The following SDC3 variants were observed in gnomAD, a reference collection of about 807,000 sequenced individuals.
The protein encoded by SDC3 is syndecan 3.
A neutral mutation model predicts 24.4 loss-of-function variants in SDC3; 13 were observed. The ratio of observed to expected loss-of-function variants is 0.53; its 90% CI spans 0.35 to 0.85. The LOEUF (loss-of-function observed/expected upper bound fraction) is 0.85, where lower values mean the gene tolerates loss of function less well. Ranked by LOEUF, SDC3 falls within the 40% of genes least tolerant of loss-of-function variation. The pLI, the probability that SDC3 is intolerant of heterozygous loss-of-function variation, is 0.01. For missense variants in SDC3, 571 were observed against 584.5 expected (o/e 0.98, Z 0.24); for synonymous variants, 295 against 260.9 (o/e 1.13, Z -1.26).
At chr1:30,905,091 T>C (rs1487336775) in intron 1 of SDC3, among the ~76,000 whole-genome samples, 4 of 151,934 alleles carry the variant, frequency 2.6e-5, no homozygotes, top group South Asian at 2.1e-4. Context: ...GAAGGGGAGA[T>C]GGTTCACCCA....
In SDC3 at chr1:30,869,586, A is replaced by T; in HGVS notation, c.*3625T>A. 1 of 398,120 alleles carries T rather than the reference A, an allele frequency of 2.5e-6. No individual in the cohort carries two copies. Among genetic ancestry groups the T allele is most frequent in the Non-Finnish European group, 4.4e-6 (1 of 226,016 alleles). 24.7% of individuals were successfully genotyped at this position (398,120 alleles called of 1,614,324 possible). On this transcript the variant is annotated 3_prime_UTR_variant, in exon 5 of 5. Coordinates refer to ENST00000339394, the MANE Select transcript of SDC3 (RefSeq NM_014654.4). ...ACAAAAACAAAACCAGTTCCTTCACAAGGCTGGAACAGGAGAGTACCCGCA... is the reference window on the plus strand; with the variant it reads ...ACAAAAACAAAACCAGTTCCTTCACTAGGCTGGAACAGGAGAGTACCCGCA...
chr1:30,879,736 C>T (rs954035274), intron 1 of SDC3, among the ~76,000 whole-genome samples: 2 of 152,170 alleles, frequency 1.3e-5, no homozygotes, highest in Non-Finnish European at 2.9e-5. Flanking sequence ...AGGCCTTTAG[C>T]TGGGAGGAGG....
At position 30,873,296 on chromosome 1, in the gene SDC3, T is replaced by C; in HGVS notation, c.1244A>G (p.Asp415Gly). The C allele has an allele frequency of 6.2e-7, 1 of 1,612,876 alleles. No homozygotes were observed. ...TTCCTCCAGCGTGTAGCTGCCCTCATCCTTTTTCTTCATACGATAGATGAG... is the reference window on the plus strand; with the variant it reads ...TTCCTCCAGCGTGTAGCTGCCCTCACCCTTTTTCTTCATACGATAGATGAG... ...TLLIYRMKKK[D>G]EGSYTLEEPK... Residue 415 changes from aspartate to glycine, a missense_variant, in exon 5 of 5, where the codon GAT becomes GGT. By Grantham distance (94) the Asp-to-Gly change is moderately conservative. This residue lies in a region of SDC3 where 74 missense variants were observed against 112.9 expected (regional missense o/e 0.66). Transcript: ENST00000339394.
chr1:30,889,890 C>CA (rs1238761947), intron 1 of SDC3, among the ~76,000 whole-genome samples: 2 of 151,610 alleles, frequency 1.3e-5, no homozygotes, highest in African/African-American at 2.4e-5. Context: ...GTCCACACAC[C>CA]AAAAAAGGTA....
At position 30,874,466 on chromosome 1, in the gene SDC3, A is replaced by C; in HGVS notation, c.993T>G (p.Asn331Lys). The change falls in exon 4 of 5, where the codon AAT becomes AAG. Residue 331 changes from asparagine (N) to lysine (K), a missense_variant. Physicochemically the swap from Asn to Lys is moderately conservative, Grantham distance 94. Transcript: ENST00000339394. ...EEETTQPDTA[N>K]EVVAVGGAAA... ...CAGCCCCTCCCACAGCTACCACCTC[A>C]TTGGCTGTGTCTGGTTGTGTGGTCT... The C allele has an allele frequency of 6.2e-7, 1 of 1,614,086 alleles. No homozygotes were observed. Among genetic ancestry groups the C allele is most frequent in the Non-Finnish European group, 8.5e-7 (1 of 1,179,996 alleles).
At chr1:30,908,211 C>T (rs1232963663) in intron 1 of SDC3, among the ~76,000 whole-genome samples, 4 of 143,446 alleles carry the variant, frequency 2.8e-5, no homozygotes, top group Non-Finnish European at 6.1e-5. Flanking sequence ...TGACCAGCGG[C>T]GGGGGCGGCC....
intron 1 of SDC3, among the ~76,000 whole-genome samples, chr1:30,900,212 C>T (rs1365443385): frequency 6.6e-6 from 1 of 152,204 alleles, no homozygotes; most frequent in Non-Finnish European, 1.5e-5. Flanking sequence ...ACCATGCCTG[C>T]CTCACAGGGC....
chr1:30,905,822 G>T (rs896592771), intron 1 of SDC3, among the ~76,000 whole-genome samples: 2 of 151,974 alleles, frequency 1.3e-5, no homozygotes, highest in Non-Finnish European at 2.9e-5. Context: ...TGGTCTGTCA[G>T]AAGAGGGACT....
chr1:30,895,997 G>C (rs181035590), intron 1 of SDC3, among the ~76,000 whole-genome samples: 6 of 152,102 alleles, frequency 3.9e-5, no homozygotes, highest in Non-Finnish European at 7.4e-5. Flanking sequence ...CCAGAAAGAC[G>C]GAGCCAAACA....
At chr1:30,882,825 A>G (rs1469306451) in intron 1 of SDC3, among the ~76,000 whole-genome samples, 1 of 152,166 alleles carries the variant, frequency 6.6e-6, no homozygotes, top group Non-Finnish European at 1.5e-5. Context: ...ATAATGAACC[A>G]GCTCCTCTTT....
chr1:30,873,107 TG>T lies in SDC3; in HGVS notation c.*103del. The T allele has an allele frequency of 1.2e-6, 1 of 814,444 alleles. No homozygotes were observed. Among genetic ancestry groups the T allele is most frequent in the Non-Finnish European group, 2.1e-6 (1 of 480,634 alleles). The allele number at this position is 814,444 out of a possible 1,614,324, so 50.5% of individuals were successfully genotyped here. A position where few individuals can be genotyped will look rare whatever the true frequency, so the allele number is the denominator to read the frequency against. ...CTTGGGAGAGAGGGCAGAGAAGAAC[TG>T]GGGCCAGGTTCCAGGCCCAGTCCCA... On this transcript the variant is annotated 3_prime_UTR_variant, in exon 5 of 5. Transcript: ENST00000339394.
chr1:30,888,374 G>A (rs865840551), intron 1 of SDC3, among the ~76,000 whole-genome samples: 5 of 152,204 alleles, frequency 3.3e-5, no homozygotes, highest in Non-Finnish European at 5.9e-5. Context: ...GAAGCCAGGT[G>A]AGGGGGCTCC....
chr1:30,881,230 C>T (rs6695189), intron 1 of SDC3: 10,065 of 154,034 alleles, frequency 0.065, 385 homozygotes, highest in Middle Eastern at 0.1. Flanking sequence ...TACTTCACCC[C>T]TAGCTGCCTG....
At chr1:30,894,285 G>A (rs1012609274) in intron 1 of SDC3, among the ~76,000 whole-genome samples, 3 of 147,188 alleles carry the variant, frequency 2.0e-5, no homozygotes, top group Non-Finnish European at 4.5e-5. Context: ...GTGTGTGGGG[G>A]AGTGAGAGAG....
intron 1 of SDC3, among the ~76,000 whole-genome samples, chr1:30,894,265 GTGGGTGAGTGTGTGT>G (rs1639953542): frequency 6.7e-6 from 1 of 149,514 alleles, no homozygotes; most frequent in Non-Finnish European, 1.5e-5. Context: ...ATGTGTGTGT[GTGGGTGAGTGTGTGT>G]GGGGGAGTGA....
At chr1:30,878,244 C>T (rs1178743409) in intron 2 of SDC3, 1 of 169,208 alleles carries the variant, frequency 5.9e-6, no homozygotes, top group African/African-American at 2.4e-5. Context: ...CGGGGCCATC[C>T]CAGGCACCAC....
In SDC3 at chr1:30,873,190, C is replaced by T; in HGVS notation, c.*21G>A. The T allele has an allele frequency of 1.3e-6, 2 of 1,595,138 alleles. No individual in the cohort carries two copies. Among genetic ancestry groups the T allele is most frequent in the Non-Finnish European group, 1.7e-6 (2 of 1,163,542 alleles). Reference sequence around the variant, plus strand: ...GGACAGCAGGGTGGTGTTGAGGCTGCAGGGAGGCACTGTGGCTCCACTAGG... The same window carrying T: ...GGACAGCAGGGTGGTGTTGAGGCTGTAGGGAGGCACTGTGGCTCCACTAGG... On this transcript the variant is annotated 3_prime_UTR_variant, in exon 5 of 5. Coordinates refer to ENST00000339394, the MANE Select transcript of SDC3 (RefSeq NM_014654.4).
intron 2 of SDC3, chr1:30,877,496 T>A: frequency 1.8e-6 from 1 of 547,304 alleles, no homozygotes; most frequent in Non-Finnish European, 3.3e-6. Context: ...GCTGCAAAAC[T>A]TGCTGGGGCT....
At chr1:30,882,256 C>A (rs1639755737) in intron 1 of SDC3, among the ~76,000 whole-genome samples, 1 of 152,214 alleles carries the variant, frequency 6.6e-6, no homozygotes, top group Admixed American at 6.5e-5. Context: ...CACACAAGTG[C>A]ACACACACAT....
Sources: allele counts gnomAD v4.1 joint callset (sites outside exome capture counted in the v4.1 genomes callset), GRCh38; gene constraint gnomAD v4.1.1; regional missense constraint gnomAD v4.1.1; transcripts MANE v1.5; gene names NCBI Gene and HGNC (gene_info 2026-07-23, HGNC 2026-07-21).